NRXN1: variants seen among roughly 807,000 people sequenced by gnomAD.
The protein encoded by NRXN1 is neurexin 1.
A neutral mutation model predicts 150.9 loss-of-function variants in NRXN1; 39 were observed. That is an observed-to-expected ratio of 0.26 (90% CI 0.20 to 0.34). NRXN1 has a LOEUF of 0.34. NRXN1 is among the 10% of genes least tolerant of loss of function. The probability of loss-of-function intolerance (pLI) is 1.00; values close to 1 mark genes in which losing one functional copy is unlikely to be tolerated. For missense variants in NRXN1, 1,815 were observed against 1,949.9 expected, an observed-to-expected ratio of 0.93 and a Z score of 1.30; for synonymous variants, 924 against 757.0, an observed-to-expected ratio of 1.22 and a Z score of -3.62.
intron 15 of NRXN1, among the ~76,000 whole-genome samples, chr2:50,492,434 A>G (rs1490745953): frequency 6.6e-6 from 1 of 152,190 alleles, no homozygotes; most frequent in Non-Finnish European, 1.5e-5. Flanking sequence ...TATTGGAGTC[A>G]AGGTGGAGAA....
chr2:49,979,363 C>A (rs1413012010), intron 21 of NRXN1, among the ~76,000 whole-genome samples: 1 of 152,170 alleles, frequency 6.6e-6, no homozygotes, highest in African/African-American at 2.4e-5. Context: ...TCTCCAAAGC[C>A]TTCTCTTTCC....
chr2:50,931,108 C>T (rs1687673938), intron 2 of NRXN1, among the ~76,000 whole-genome samples: 1 of 152,066 alleles, frequency 6.6e-6, no homozygotes, highest in Non-Finnish European at 1.5e-5. Flanking sequence ...GAATATTCTG[C>T]AATGTGTTCT....
Position 50,600,470 on chromosome 2 carries a change from G to A in NRXN1, c.1320+19552C>T, listed in dbSNP as rs191657247. Among the ~76,000 whole-genome samples, 20 of 151,946 alleles carry A rather than the reference G, an allele frequency of 1.3e-4. No individual in the cohort carries two copies. In the East Asian group the frequency reaches 2.7e-3, roughly 21 times the overall value. On this transcript the variant is annotated intron_variant, in intron 8 of 22. Transcript: ENST00000401669. ...TTCCCGAGTAGCTGGGATTACAGGC[G>A]TGTGCCACCATGTCCGGCTAATTTT...
At chr2:50,449,231 G>C (rs995858343) in intron 17 of NRXN1, among the ~76,000 whole-genome samples, 100 of 152,304 alleles carry the variant, frequency 6.6e-4, no homozygotes, top group Non-Finnish European at 2.1e-4. Context: ...TAAACCAGTG[G>C]AGATTACCAA....
At chr2:50,403,845 G>A (rs899833377) in intron 17 of NRXN1, among the ~76,000 whole-genome samples, 3 of 152,066 alleles carry the variant, frequency 2.0e-5, no homozygotes, top group East Asian at 1.9e-4. Flanking sequence ...CTAAGCAGAC[G>A]TTTGAAAAAT....
chr2:50,280,670 T>A (rs550204057), intron 17 of NRXN1, among the ~76,000 whole-genome samples: 3 of 152,122 alleles, frequency 2.0e-5, no homozygotes, highest in Non-Finnish European at 2.9e-5. Flanking sequence ...GGTGATTACA[T>A]TGGTTAACAT....
At chr2:50,060,515 GA>G (rs1167405658) in intron 19 of NRXN1, among the ~76,000 whole-genome samples, 2 of 152,138 alleles carry the variant, frequency 1.3e-5, no homozygotes, top group Non-Finnish European at 2.9e-5. Context: ...GAACTGCTGG[GA>G]AGGCATAATT....
At chr2:50,554,418 G>A (rs1667940473) in intron 8 of NRXN1, 1 of 152,042 alleles carries the variant, frequency 6.6e-6, no homozygotes, top group African/African-American at 2.4e-5. Flanking sequence ...CTCTGGTATT[G>A]GACTTCCTGA....
intron 21 of NRXN1, among the ~76,000 whole-genome samples, chr2:49,963,956 C>G (rs570562118): frequency 1.2e-4 from 19 of 152,302 alleles, no homozygotes; most frequent in Non-Finnish European, 2.1e-4. Flanking sequence ...CTTCATGTGT[C>G]CATAACGAAA....
intron 18 of NRXN1, among the ~76,000 whole-genome samples, chr2:50,132,496 AG>A (rs1369196734): frequency 6.6e-6 from 1 of 151,824 alleles, no homozygotes; most frequent in Non-Finnish European, 1.5e-5. Context: ...TAGTAGAGAC[AG>A]GGTTTCATCG....
At chr2:50,421,004 G>A (rs1395695910) in intron 17 of NRXN1, among the ~76,000 whole-genome samples, 7 of 145,596 alleles carry the variant, frequency 4.8e-5, no homozygotes, top group Non-Finnish European at 1.0e-4. Context: ...GTGTGTGTGT[G>A]TGTGTGTGTG....
chr2:50,773,391 T>C (rs1703241209), intron 5 of NRXN1, among the ~76,000 whole-genome samples: 1 of 152,202 alleles, frequency 6.6e-6, no homozygotes, highest in African/African-American at 2.4e-5. Flanking sequence ...TTAAATGTTT[T>C]CACAAGCAAC....
At position 50,975,316 on chromosome 2, in the gene NRXN1, C is replaced by G. The variant is rs1330951084; in HGVS notation, c.773-49361G>C. Among the ~76,000 whole-genome samples the G allele has an allele frequency of 2.0e-5, 3 of 152,058 alleles. No homozygotes were observed. The South Asian group carries it at 6.2e-4, about 31-fold the overall frequency. ...GTAATATTTAAGAACTTAAAGAGAT[C>G]AAGAGTCCAAAAAGTTTGAGAACTG... On this transcript the variant is annotated intron_variant, in intron 2 of 22. Coordinates refer to ENST00000401669, the MANE Select transcript of NRXN1 (RefSeq NM_001330078.2).
intron 12 of NRXN1, among the ~76,000 whole-genome samples, chr2:50,511,261 T>G (rs11125314): frequency 6.6e-6 from 1 of 151,988 alleles, no homozygotes; most frequent in Non-Finnish European, 1.5e-5. Flanking sequence ...AGTTTCACCA[T>G]GTTCGAGGCC....
chr2:50,469,405 G>A (rs922698192), intron 16 of NRXN1, among the ~76,000 whole-genome samples: 1 of 151,642 alleles, frequency 6.6e-6, no homozygotes, highest in African/African-American at 2.4e-5. Flanking sequence ...AAGAGGCTTA[G>A]AGGTGTGTGG....
At chr2:50,637,199 A>C (rs1027047057) in intron 5 of NRXN1, among the ~76,000 whole-genome samples, 1 of 152,150 alleles carries the variant, frequency 6.6e-6, no homozygotes, top group East Asian at 1.9e-4. Flanking sequence ...TTTAATATAA[A>C]TTATGAAACT....
chr2:50,243,598 C>T lies in NRXN1; in HGVS notation c.3365-6628G>A, dbSNP rs951134000. Among the ~76,000 whole-genome samples, 3 of 151,818 alleles carry T rather than the reference C, an allele frequency of 2.0e-5. No homozygotes were observed. In the Admixed American group the frequency reaches 2.0e-4, roughly 10 times the overall value. ...ACTGTCCACACACTATTCCACCAAA[C>T]ACCAATCATAAATTTGGTTCAAGTT... On this transcript the variant is annotated intron_variant, in intron 17 of 22. Coordinates refer to ENST00000401669, the MANE Select transcript of NRXN1 (RefSeq NM_001330078.2).
rs2078158449 is a variant in NRXN1 at position 50,347,878 on chromosome 2, G to A, written c.3365-110908C>T. ...ACGAGCCTATGTAACGAGGGAGGCTGGTCTAGCTTCCCACGAAAATCGCCC... is the reference window on the plus strand; with the variant it reads ...ACGAGCCTATGTAACGAGGGAGGCTAGTCTAGCTTCCCACGAAAATCGCCC... On this transcript the variant is annotated intron_variant, in intron 17 of 22. Coordinates refer to ENST00000401669, the MANE Select transcript of NRXN1 (RefSeq NM_001330078.2). This position sits in a 1 kb window ranked among gnomAD's most constrained non-coding sequence, Gnocchi z 4.9. 6.1e-6 allele frequency: 6 copies of A among 979,222 alleles called. No homozygotes were observed. The highest frequency in any genetic ancestry group is 7.3e-6 in the Non-Finnish European group (6 of 824,316). 60.7% of individuals were successfully genotyped at this position (979,222 alleles called of 1,614,324 possible). A position where few individuals can be genotyped will look rare whatever the true frequency, so the allele number is the denominator to read the frequency against.
intron 18 of NRXN1, among the ~76,000 whole-genome samples, chr2:50,118,351 A>T (rs919175632): frequency 6.6e-6 from 1 of 152,144 alleles, no homozygotes; most frequent in African/African-American, 2.4e-5. Context: ...GTTATAATGT[A>T]TGGGGAAGAT....
Sources: allele counts gnomAD v4.1 joint callset (sites outside exome capture counted in the v4.1 genomes callset), GRCh38; gene constraint gnomAD v4.1.1; non-coding constraint Gnocchi (gnomAD v3.1); transcripts MANE v1.5; gene names NCBI Gene and HGNC (gene_info 2026-07-23, HGNC 2026-07-21).